Variants in DSCAM observed in about 807,000 individuals in gnomAD.
The protein encoded by DSCAM is DS cell adhesion molecule.
Under a neutral mutation model 217.7 loss-of-function variants are expected in DSCAM, and 47 were observed. The observed-to-expected ratio is 0.22, with a 90% CI of 0.17 to 0.28. The LOEUF is 0.28. Among genes scored for constraint, DSCAM ranks in the 10% least tolerant of loss-of-function variants. The pLI, the probability that DSCAM is intolerant of heterozygous loss-of-function variation, is 1.00. For missense variants in DSCAM, 2,080 were observed against 2,618.3 expected, an observed-to-expected ratio of 0.79 and a Z score of 4.49; for synonymous variants, 1,056 against 1,015.3, an observed-to-expected ratio of 1.04 and a Z score of -0.76.
intron 10 of DSCAM, among the ~76,000 whole-genome samples, chr21:40,284,957 T>C (rs551093329): frequency 6.6e-6 from 1 of 152,344 alleles, no homozygotes; most frequent in East Asian, 1.9e-4. Context: ...TCTAGATTAG[T>C]GTCTAATCAG....
At chr21:40,200,562 C>A (rs913314234) in intron 11 of DSCAM, among the ~76,000 whole-genome samples, 4 of 152,192 alleles carry the variant, frequency 2.6e-5, no homozygotes, top group Non-Finnish European at 4.4e-5. Context: ...TCAACGGACA[C>A]TTGTGTTGCT....
At chr21:40,333,033 C>T (rs2074393369) in intron 8 of DSCAM, among the ~76,000 whole-genome samples, 1 of 152,164 alleles carries the variant, frequency 6.6e-6, no homozygotes, top group African/African-American at 2.4e-5. Context: ...GGGCCACTTC[C>T]ACTTCCCAAG....
chr21:40,658,081 C>T (rs2837768), intron 3 of DSCAM, among the ~76,000 whole-genome samples: 99,540 of 151,906 alleles, frequency 0.66, 32,795 homozygotes, highest in South Asian at 0.69. Context: ...ATTGCAGACA[C>T]AGGAGTCCAG....
intron 3 of DSCAM, among the ~76,000 whole-genome samples, chr21:40,436,598 G>A (rs1601642831): frequency 6.6e-6 from 1 of 152,134 alleles, no homozygotes; most frequent in African/African-American, 2.4e-5. Context: ...AGACAACAGG[G>A]GTCTCACCTG....
At chr21:40,319,812 G>C (rs73227048) in intron 8 of DSCAM, among the ~76,000 whole-genome samples, 12,974 of 152,114 alleles carry the variant, frequency 0.085, 831 homozygotes, top group African/African-American at 0.18. Context: ...TTCTCACTCA[G>C]AGTGGGCACC....
At chr21:40,234,042 T>C (rs540293643) in intron 11 of DSCAM, among the ~76,000 whole-genome samples, 4 of 152,336 alleles carry the variant, frequency 2.6e-5, no homozygotes, top group South Asian at 4.1e-4. Context: ...AGAAGGCCCA[T>C]GCTGGGAATG....
intron 11 of DSCAM, among the ~76,000 whole-genome samples, chr21:40,253,127 C>T (rs900448333): frequency 1.2e-4 from 18 of 152,146 alleles, no homozygotes; most frequent in African/African-American, 4.1e-4. Context: ...ACGATGATGC[C>T]TAAGTTTCCA....
At chr21:40,218,920 A>G (rs971634010) in intron 11 of DSCAM, among the ~76,000 whole-genome samples, 10 of 152,202 alleles carry the variant, frequency 6.6e-5, no homozygotes, top group African/African-American at 2.4e-4. Flanking sequence ...ATATAGAATC[A>G]TGTCATCTGG....
At chr21:40,039,249 A>G (rs947450730) in intron 32 of DSCAM, among the ~76,000 whole-genome samples, 7 of 152,136 alleles carry the variant, frequency 4.6e-5, no homozygotes, top group South Asian at 2.1e-4. Flanking sequence ...AAAAATACCA[A>G]TGTAGGTTTT....
intron 30 of DSCAM, among the ~76,000 whole-genome samples, chr21:40,044,625 CAAG>C (rs1359605191): frequency 6.6e-6 from 1 of 152,026 alleles, no homozygotes; most frequent in Non-Finnish European, 1.5e-5. Flanking sequence ...CAGGACAAAA[CAAG>C]AAAATTTCAA....
At chr21:40,111,381 C>T (rs1380339707) in intron 20 of DSCAM, among the ~76,000 whole-genome samples, 1 of 151,834 alleles carries the variant, frequency 6.6e-6, no homozygotes, top group Non-Finnish European at 1.5e-5. Flanking sequence ...ATTTTGTCAC[C>T]ACCAGGCCGG....
intron 28 of DSCAM, among the ~76,000 whole-genome samples, chr21:40,056,901 T>C (rs113464397): frequency 1.2e-4 from 19 of 152,316 alleles, no homozygotes; most frequent in African/African-American, 4.1e-4. Flanking sequence ...AACCGAGCCA[T>C]TTACCCCGAG....
chr21:40,287,652 A>G (rs999376791), intron 10 of DSCAM, among the ~76,000 whole-genome samples: 5 of 152,192 alleles, frequency 3.3e-5, no homozygotes, highest in African/African-American at 1.2e-4. Flanking sequence ...CAACAAAAGA[A>G]TCAAGTTCCT....
At chr21:40,313,183 CAACT>C (rs1283173022) in intron 8 of DSCAM, among the ~76,000 whole-genome samples, 1 of 151,338 alleles carries the variant, frequency 6.6e-6, no homozygotes, top group African/African-American at 2.4e-5. Context: ...CTGTTATGTC[CAACT>C]AATAACAACC....
intron 3 of DSCAM, among the ~76,000 whole-genome samples, chr21:40,414,047 C>T (rs534431022): frequency 3.3e-5 from 5 of 151,976 alleles, no homozygotes; most frequent in Admixed American, 2.0e-4. Flanking sequence ...TTTAAGAAAA[C>T]GGAAGTGACC....
chr21:40,233,372 T>A (rs2091398738), intron 11 of DSCAM, among the ~76,000 whole-genome samples: 1 of 152,128 alleles, frequency 6.6e-6, no homozygotes, highest in Admixed American at 6.6e-5. Flanking sequence ...TCCAAAAAAC[T>A]CACCTAAACA....
chr21:40,109,826 C>T (rs955002849), intron 20 of DSCAM, among the ~76,000 whole-genome samples: 1 of 152,196 alleles, frequency 6.6e-6, no homozygotes, highest in African/African-American at 2.4e-5. Flanking sequence ...ATTGCTAGCA[C>T]AGCAGTCTGA....
chr21:40,584,197 T>C (rs1265503060), intron 3 of DSCAM, among the ~76,000 whole-genome samples: 1 of 152,162 alleles, frequency 6.6e-6, no homozygotes, highest in Admixed American at 6.5e-5. Context: ...CAGGTTCCGC[T>C]CCTTGGTGTT....
At chr21:40,781,644 C>G (rs371550871) in intron 1 of DSCAM, among the ~76,000 whole-genome samples, 1 of 152,128 alleles carries the variant, frequency 6.6e-6, no homozygotes, top group Admixed American at 6.5e-5. Flanking sequence ...ACCAATCCCC[C>G]ACACATACAG....
Sources: allele counts gnomAD v4.1 joint callset (sites outside exome capture counted in the v4.1 genomes callset), GRCh38; gene constraint gnomAD v4.1.1; transcripts MANE v1.5; gene names NCBI Gene and HGNC (gene_info 2026-07-23, HGNC 2026-07-21).